The following UNC13C variants were observed in gnomAD, a reference collection of about 807,000 sequenced individuals.
UNC13C encodes protein unc-13 homolog C.
A neutral mutation model predicts 245.4 loss-of-function variants in UNC13C; 174 were observed. The ratio of observed to expected loss-of-function variants is 0.71; its 90% CI spans 0.63 to 0.80. The LOEUF (loss-of-function observed/expected upper bound fraction) is 0.80. UNC13C is among the 30% of genes least tolerant of loss of function. The probability of loss-of-function intolerance (pLI) is 0.00; values close to 1 mark genes in which losing one functional copy is unlikely to be tolerated. For synonymous variants in UNC13C, 992 were observed against 895.1 expected (o/e 1.11, Z -1.93); for missense variants, 2,829 against 2,602.9 (o/e 1.09, Z -1.89).
At chr15:53,875,639 A>T in the UNC13C span, among the ~76,000 whole-genome samples, 1 of 152,174 alleles carries the variant, frequency 6.6e-6, no homozygotes, top group African/African-American at 2.4e-5. Context: ...TGTAAGATTG[A>T]TTGAGCAGGG....
chr15:54,124,794 C>CA (rs2030925200), intron 2 of UNC13C, among the ~76,000 whole-genome samples: 1 of 151,604 alleles, frequency 6.6e-6, no homozygotes, highest in African/African-American at 2.4e-5. Context: ...ATAATTTTTG[C>CA]AAAAAATGTG....
intron 2 of UNC13C, among the ~76,000 whole-genome samples, chr15:54,120,070 CT>C: frequency 6.6e-6 from 1 of 152,132 alleles, no homozygotes; most frequent in South Asian, 2.1e-4. Flanking sequence ...TCCAGAAGAC[CT>C]AGTTAAGATA....
At chr15:54,455,353 A>C (rs113636531) in intron 19 of UNC13C, among the ~76,000 whole-genome samples, 1 of 149,982 alleles carries the variant, frequency 6.7e-6, no homozygotes, top group African/African-American at 2.4e-5. Context: ...ATAATGGCTT[A>C]ATTTTTCTCT....
At chr15:54,043,784 A>G (rs1335786395) in intron 2 of UNC13C, among the ~76,000 whole-genome samples, 1 of 152,152 alleles carries the variant, frequency 6.6e-6, no homozygotes, top group Non-Finnish European at 1.5e-5. Flanking sequence ...GACTTCATTT[A>G]CATACTCTTG....
chr15:54,595,517 A>G (rs1311356075), intron 30 of UNC13C, among the ~76,000 whole-genome samples: 1 of 152,160 alleles, frequency 6.6e-6, no homozygotes. Context: ...ATCTGGAGCT[A>G]AAATTCACAG....
chr15:54,038,140 T>TTTTTTTTTTTTTTTTTC (rs1555406257), intron 2 of UNC13C, among the ~76,000 whole-genome samples: 1 of 127,584 alleles, frequency 7.8e-6, no homozygotes, highest in African/African-American at 3.2e-5. Flanking sequence ...TTTTTTTTTT[T>TTTTTTTTTTTTTTTTTC]CCTGAGACAG....
intron 4 of UNC13C, among the ~76,000 whole-genome samples, chr15:54,215,240 C>T (rs2035005436): frequency 6.6e-6 from 1 of 151,932 alleles, no homozygotes. Flanking sequence ...AGAAAACCTT[C>T]AGGAGACTGT....
intron 19 of UNC13C, among the ~76,000 whole-genome samples, chr15:54,436,702 G>T (rs1320467247): frequency 6.6e-6 from 1 of 151,762 alleles, no homozygotes; most frequent in African/African-American, 2.4e-5. Flanking sequence ...TTAGGACAAA[G>T]ACCTAATGCA....
the UNC13C span, among the ~76,000 whole-genome samples, chr15:53,909,563 C>T: frequency 6.8e-6 from 1 of 146,114 alleles, no homozygotes; most frequent in African/African-American, 2.4e-5. Context: ...AGCATCCTGG[C>T]CAACATAGTG....
intron 19 of UNC13C, among the ~76,000 whole-genome samples, chr15:54,422,240 G>A (rs995721734): frequency 6.6e-6 from 1 of 151,864 alleles, no homozygotes; most frequent in Non-Finnish European, 1.5e-5. Flanking sequence ...TAGCTCCAAA[G>A]CATATTTGGC....
At chr15:54,104,768 G>A (rs1027058657) in intron 2 of UNC13C, among the ~76,000 whole-genome samples, 1 of 151,782 alleles carries the variant, frequency 6.6e-6, no homozygotes, top group African/African-American at 2.4e-5. Context: ...CAGTTTGATT[G>A]TATCCACCTT....
chr15:54,461,288 T>C (rs1382833508), intron 19 of UNC13C, among the ~76,000 whole-genome samples: 2 of 152,198 alleles, frequency 1.3e-5, no homozygotes, highest in African/African-American at 2.4e-5. Context: ...AAATGCTCAC[T>C]GGAATATTTA....
chr15:54,087,596 G>A (rs1198392583), intron 2 of UNC13C, among the ~76,000 whole-genome samples: 1 of 152,074 alleles, frequency 6.6e-6, no homozygotes, highest in African/African-American at 2.4e-5. Flanking sequence ...CATATTACAG[G>A]CTTAAATTAG....
intron 2 of UNC13C, among the ~76,000 whole-genome samples, chr15:54,056,787 G>C (rs1897549501): frequency 1.3e-5 from 2 of 152,226 alleles, no homozygotes; most frequent in African/African-American, 4.8e-5. Flanking sequence ...CAAGCCAGAA[G>C]AGAGTGGGGC....
intron 18 of UNC13C, among the ~76,000 whole-genome samples, chr15:54,403,820 A>T (rs1217896091): frequency 6.6e-6 from 1 of 151,986 alleles, no homozygotes; most frequent in Non-Finnish European, 1.5e-5. Flanking sequence ...CATTAAAATA[A>T]TGCCTTGAAA....
intron 6 of UNC13C, among the ~76,000 whole-genome samples, chr15:54,237,175 A>T (rs1051970257): frequency 2.0e-5 from 3 of 152,210 alleles, no homozygotes; most frequent in African/African-American, 7.2e-5. Flanking sequence ...CTAGGGAACT[A>T]TGAACAACTC....
At chr15:54,184,678 T>G (rs1365891564) in intron 4 of UNC13C, among the ~76,000 whole-genome samples, 3 of 152,232 alleles carry the variant, frequency 2.0e-5, no homozygotes, top group Non-Finnish European at 2.9e-5. Context: ...CGTTGGACAT[T>G]TGGGTTGGTT....
At chr15:54,605,744 A>T (rs1266554455) in intron 30 of UNC13C, among the ~76,000 whole-genome samples, 1 of 152,236 alleles carries the variant, frequency 6.6e-6, no homozygotes, top group African/African-American at 2.4e-5. Context: ...ACCAGGATGC[A>T]GCTAGAAGAC....
At position 54,101,292 on chromosome 15, in the gene UNC13C, C is replaced by A. The variant is rs148508135; in HGVS notation, c.2984-41726C>A. Among the ~76,000 whole-genome samples the A allele has an allele frequency of 2.6e-3, 392 of 152,152 alleles. 14 individuals are homozygous for A. The East Asian group carries it at 0.043, about 17-fold the overall frequency. On this transcript the variant is annotated intron_variant, in intron 2 of 32. Coordinates refer to ENST00000260323, the MANE Select transcript of UNC13C (RefSeq NM_001080534.3). ...AAATTTCTTGATTCACAGGCTATTA[C>A]TATTTTTACTGCCGCTCTGCTGCTA... is the stretch of plus-strand genomic sequence containing the variant.
Sources: allele counts gnomAD v4.1 joint callset (sites outside exome capture counted in the v4.1 genomes callset), GRCh38; gene constraint gnomAD v4.1.1; transcripts MANE v1.5; gene names NCBI Gene and HGNC (gene_info 2026-07-23, HGNC 2026-07-21).